Variants in HDAC7 observed in about 807,000 individuals in gnomAD.
HDAC7 encodes the protein histone deacetylase 7A.
HDAC7 carries 26 observed loss-of-function variants against 115.5 expected under a neutral mutation model. The ratio of observed to expected loss-of-function variants is 0.23; its 90% CI spans 0.16 to 0.31. The LOEUF is 0.31. HDAC7 is among the 10% of genes least tolerant of loss of function. The pLI is 1.00. For synonymous variants in HDAC7, 564 were observed against 550.9 expected (o/e 1.02, Z -0.33); for missense variants, 1,068 against 1,329.0 (o/e 0.80, Z 3.05).
chr12:47,802,203 T>TC, intron 2 of HDAC7, 21 bp downstream of exon 2: 4 of 1,610,340 alleles, frequency 2.5e-6, no homozygotes, highest in Non-Finnish European at 3.4e-6. Context: ...TACCATGGAC[T>TC]CCCCCGGGTT....
Position 47,797,058 on chromosome 12 carries a change from G to A in HDAC7, c.662C>T (p.Ala221Val). Residue 221 changes from alanine to valine, a missense_variant, in exon 7 of 26, where the codon GCG (alanine) becomes GTG (valine). Coordinates refer to ENST00000080059, the MANE Select transcript of HDAC7 (RefSeq NM_015401.5). This position sits in a 1 kb window ranked among gnomAD's most constrained non-coding sequence, Gnocchi z 5.5. ...GGGCCGCCGCCGGAGGCTGGGGGGC[G>A]CACTCTCCTTTCGGAGCAGTGGATT... Reference protein sequence around the residue: ...RKNPLLRKESAPPSLRRRPAE... With the variant: ...RKNPLLRKESVPPSLRRRPAE... 2 of 1,601,120 alleles carry A rather than the reference G, an allele frequency of 1.2e-6. No homozygotes were observed. Among genetic ancestry groups the A allele is most frequent in the Non-Finnish European group, 8.5e-7 (1 of 1,174,430 alleles).
intron 16 of HDAC7, chr12:47,790,743 G>A (rs1446790885): frequency 5.8e-6 from 1 of 173,436 alleles, no homozygotes; most frequent in East Asian, 1.8e-4. Context: ...CCTTCACAAA[G>A]GGGTGAGGAC....
intron 16 of HDAC7, chr12:47,790,795 C>T (rs956309684): frequency 7.2e-5 from 15 of 206,950 alleles, no homozygotes; most frequent in Non-Finnish European, 1.1e-4. Flanking sequence ...GGCTATGTCC[C>T]GGAGTGGGGA....
intron 1 of HDAC7, among the ~76,000 whole-genome samples, chr12:47,808,317 C>A (rs949917754): frequency 1.3e-5 from 2 of 152,148 alleles, no homozygotes; most frequent in African/African-American, 4.8e-5. Context: ...GAGCCAGTGT[C>A]GCCCCCCCAC....
At chr12:47,785,360 C>CG (rs759264644) in intron 24 of HDAC7, 27 bp downstream of exon 24, 4 of 1,577,396 alleles carry the variant, frequency 2.5e-6, no homozygotes, top group Non-Finnish European at 3.5e-6. Context: ...AGTCTGAGCT[C>CG]AGCGAGTGTC....
At chr12:47,801,668 G>A (rs2544030) in intron 2 of HDAC7, among the ~76,000 whole-genome samples, 34,412 of 152,122 alleles carry the variant, frequency 0.23, 4,199 homozygotes, top group Non-Finnish European at 0.26. Flanking sequence ...AGGGCAGACC[G>A]CGTCTAGTCC....
intron 1 of HDAC7, chr12:47,818,048 G>A (rs1944898474): frequency 6.6e-6 from 1 of 152,262 alleles, no homozygotes; most frequent in Non-Finnish European, 1.5e-5. Flanking sequence ...TCTGCTCTGA[G>A]AAGTGTGCTT....
chr12:47,790,042 G>A, intron 16 of HDAC7, 122 bp from the exon 17 acceptor site: 1 of 700,412 alleles, frequency 1.4e-6, no homozygotes, highest in Non-Finnish European at 2.5e-6. Context: ...AGACAGTGCT[G>A]CCTCCCCAGT....
rs1325013982 is a variant in HDAC7 at position 47,795,714 on chromosome 12, C to T, written c.960G>A (p.Leu320=). Residue 320 remains leucine (L), a synonymous_variant, in exon 10 of 26, where the codon CTG becomes CTA. Coordinates refer to ENST00000080059, the MANE Select transcript of HDAC7 (RefSeq NM_015401.5). The surrounding 1 kb of genome is among the most constrained non-coding windows in gnomAD (Gnocchi z 4.3). ...GGAAGAGGGGAGTGTGGGGGCTCCC[C>T]AGGATTGGCCCCCGAGGGCCCAGAG... ...HPTLGPRGPI[L]GSPHTPLFLP... 1.3e-6 allele frequency: 2 copies of T among 1,548,234 alleles called. No individual in the cohort carries two copies. Among genetic ancestry groups the T allele is most frequent in the South Asian group, 2.4e-5 (2 of 83,594 alleles).
chr12:47,807,876 C>T, intron 1 of HDAC7, among the ~76,000 whole-genome samples: 1 of 152,244 alleles, frequency 6.6e-6, no homozygotes, highest in East Asian at 1.9e-4. Context: ...AACTCCCCTG[C>T]TCTCAGTGCC....
chr12:47,786,432 A>G (rs972933714), intron 22 of HDAC7, among the ~76,000 whole-genome samples, 153 bp downstream of exon 22: 1 of 152,164 alleles, frequency 6.6e-6, no homozygotes, highest in Admixed American at 6.5e-5. Flanking sequence ...GATCCCGGGG[A>G]ATTTCAGGAC....
chr12:47,808,861 C>G (rs903244524), intron 1 of HDAC7, among the ~76,000 whole-genome samples: 4 of 152,204 alleles, frequency 2.6e-5, no homozygotes, highest in Non-Finnish European at 5.9e-5. Context: ...TTCCAAAAAG[C>G]CCTCAAAGAC....
At chr12:47,787,685 G>C in intron 21 of HDAC7, 27 bp downstream of exon 21, 1 of 1,524,902 alleles carries the variant, frequency 6.6e-7, no homozygotes, top group South Asian at 1.2e-5. Context: ...GGGTGGACTT[G>C]CCCCTCTGGG....
At position 47,798,405 on chromosome 12, in the gene HDAC7, C is replaced by T. The variant is rs900697183; in HGVS notation, c.349+157G>A. Among the ~76,000 whole-genome samples, 1 of 152,160 alleles carries T rather than the reference C, an allele frequency of 6.6e-6. No homozygotes were observed. Among genetic ancestry groups the T allele is most frequent in the Admixed American group, 6.5e-5 (1 of 15,296 alleles). On this transcript the variant is annotated intron_variant, in intron 4 of 25. Transcript: ENST00000080059. The surrounding 1 kb of genome is among the most constrained non-coding windows in gnomAD (Gnocchi z 4.3). ...CACCACCCCCCACCCCCACATCCCCCACACATTCACAGGCAGAGCCCAGGC... is the reference window on the plus strand; with the variant it reads ...CACCACCCCCCACCCCCACATCCCCTACACATTCACAGGCAGAGCCCAGGC...
At position 47,795,769 on chromosome 12, in the gene HDAC7, TG is replaced by T; in HGVS notation, c.907-3del. 1.3e-6 allele frequency: 2 copies of T among 1,524,906 alleles called. No homozygotes were observed. Among genetic ancestry groups the T allele is most frequent in the Middle Eastern group, 1.7e-4 (1 of 5,824 alleles). 94.5% of individuals were successfully genotyped at this position (1,524,906 alleles called of 1,614,324 possible). Reference sequence around the variant, plus strand: ...ATGGGTCCTGCGGTCACTGTCAGCCTGGGGGAGAGGCGGGAGAAGTCACGGG... The same window carrying T: ...ATGGGTCCTGCGGTCACTGTCAGCCTGGGGAGAGGCGGGAGAAGTCACGGG... On this transcript the variant is annotated splice_polypyrimidine_tract_variant and splice_region_variant and intron_variant, in intron 9 of 25. Coordinates refer to ENST00000080059, the MANE Select transcript of HDAC7 (RefSeq NM_015401.5). The surrounding 1 kb of genome is among the most constrained non-coding windows in gnomAD (Gnocchi z 4.3).
At chr12:47,813,799 G>C (rs1333034142) in intron 1 of HDAC7, among the ~76,000 whole-genome samples, 1 of 152,230 alleles carries the variant, frequency 6.6e-6, no homozygotes, top group Non-Finnish European at 1.5e-5. Context: ...AGCCTTGGCA[G>C]TGTGCAGGGG....
intron 24 of HDAC7, chr12:47,784,700 C>A: frequency 6.5e-7 from 1 of 1,534,906 alleles, no homozygotes; most frequent in South Asian, 1.2e-5. Context: ...CTGACCATCA[C>A]CACGGCCGCT....
At chr12:47,817,138 G>A (rs1270531411) in intron 1 of HDAC7, among the ~76,000 whole-genome samples, 1 of 152,226 alleles carries the variant, frequency 6.6e-6, no homozygotes, top group Non-Finnish European at 1.5e-5. Context: ...ACCCGGCAGG[G>A]TCACCTGCTG....
At chr12:47,806,687 TCAAAAACAAAAA>T (rs926542765) in intron 1 of HDAC7, among the ~76,000 whole-genome samples, 1 of 152,006 alleles carries the variant, frequency 6.6e-6, no homozygotes, top group Admixed American at 6.6e-5. Flanking sequence ...AGACTCCGTC[TCAAAAACAAAAA>T]CAAAAACAAA....
Sources: allele counts gnomAD v4.1 joint callset (sites outside exome capture counted in the v4.1 genomes callset), GRCh38; gene constraint gnomAD v4.1.1; non-coding constraint Gnocchi (gnomAD v3.1); transcripts MANE v1.5; gene names NCBI Gene and HGNC (gene_info 2026-07-23, HGNC 2026-07-21).